The following NCALD variants were observed in gnomAD, a reference collection of about 807,000 sequenced individuals.
The protein encoded by NCALD is neurocalcin-delta.
A neutral mutation model predicts 18.6 loss-of-function variants in NCALD; 10 were observed. The ratio of observed to expected loss-of-function variants is 0.54; its 90% CI spans 0.33 to 0.91. The LOEUF (loss-of-function observed/expected upper bound fraction) is 0.91, where lower values mean the gene tolerates loss of function less well. NCALD is among the 40% of genes least tolerant of loss of function. The pLI is 0.03. For missense variants in NCALD, 184 were observed against 247.6 expected (o/e 0.74, Z 1.72); for synonymous variants, 88 against 87.4 (o/e 1.01, Z -0.04).
intron 2 of NCALD, chr8:101,693,958 T>C (rs1814866679): frequency 6.6e-6 from 1 of 152,142 alleles, no homozygotes; most frequent in South Asian, 2.1e-4. Context: ...TGAGATCTGA[T>C]GGGCGAAAGA....
intron 1 of NCALD, among the ~76,000 whole-genome samples, chr8:102,072,467 C>T (rs16869009): frequency 0.14 from 22,001 of 152,036 alleles, 1,694 homozygotes; most frequent in African/African-American, 0.18. Context: ...ATTTTTCAAC[C>T]TTCCAAAAAT....
chr8:102,055,871 C>A (rs1465919044), intron 1 of NCALD, among the ~76,000 whole-genome samples: 1 of 152,134 alleles, frequency 6.6e-6, no homozygotes, highest in Non-Finnish European at 1.5e-5. Context: ...ACTTTTAAAG[C>A]CTCATTTTTC....
chr8:102,058,858 G>A (rs1823746038), intron 1 of NCALD, among the ~76,000 whole-genome samples: 1 of 152,172 alleles, frequency 6.6e-6, no homozygotes, highest in Non-Finnish European at 1.5e-5. Context: ...CTAATCACAT[G>A]AGTCCAGAAA....
At chr8:102,049,410 A>G (rs1407805857) in intron 1 of NCALD, among the ~76,000 whole-genome samples, 1 of 152,128 alleles carries the variant, frequency 6.6e-6, no homozygotes, top group Non-Finnish European at 1.5e-5. Flanking sequence ...ATTCCATTGT[A>G]TGGATGTGCC....
intron 4 of NCALD, among the ~76,000 whole-genome samples, chr8:101,819,177 T>C (rs1813616283): frequency 6.6e-6 from 1 of 152,196 alleles, no homozygotes; most frequent in South Asian, 2.1e-4. Context: ...TAATTGTTAC[T>C]GACACTAACA....
Position 101,844,304 on chromosome 8 carries a change from A to G in NCALD, c.-20+42837T>C, listed in dbSNP as rs147957004. 1.8e-3 allele frequency among the ~76,000 whole-genome samples: 279 copies of G among 152,214 alleles called. 1 individual carries two copies. The highest frequency in any genetic ancestry group is 6.1e-3 in the African/African-American group (255 of 41,536). On this transcript the variant is annotated intron_variant, in intron 4 of 6. Transcript: ENST00000311028. Reference sequence around the variant, plus strand: ...TCAGACACCAATGAAAGAGGTTGGGAATGAACTGAATTGTCAATATCATGT... The same window carrying G: ...TCAGACACCAATGAAAGAGGTTGGGGATGAACTGAATTGTCAATATCATGT...
intron 1 of NCALD, among the ~76,000 whole-genome samples, chr8:102,116,816 G>A (rs566946050): frequency 6.6e-6 from 1 of 152,192 alleles, no homozygotes; most frequent in South Asian, 2.1e-4. Context: ...CCATAACCAA[G>A]CTTTAACCCC....
intron 1 of NCALD, among the ~76,000 whole-genome samples, chr8:101,745,305 C>A (rs1015604070): frequency 1.3e-5 from 2 of 152,084 alleles, no homozygotes; most frequent in Non-Finnish European, 2.9e-5. Flanking sequence ...CCAGCCATCA[C>A]GCCCTGGTGA....
intron 2 of NCALD, among the ~76,000 whole-genome samples, chr8:101,940,872 C>A (rs1203440348): frequency 6.6e-6 from 1 of 152,178 alleles, no homozygotes; most frequent in Non-Finnish European, 1.5e-5. Context: ...ATTTAGATGG[C>A]TCCACAGGCT....
intron 4 of NCALD, chr8:101,872,082 G>A (rs754462941): frequency 4.0e-6 from 6 of 1,507,190 alleles, no homozygotes; most frequent in Non-Finnish European, 5.5e-6. Flanking sequence ...CAGGATAATT[G>A]GGTATGCAGG....
chr8:101,776,162 A>G (rs1356007768), intron 1 of NCALD, among the ~76,000 whole-genome samples: 2 of 152,178 alleles, frequency 1.3e-5, no homozygotes, highest in South Asian at 2.1e-4. Flanking sequence ...AATTATTCCC[A>G]AAGACAAGAG....
chr8:101,813,925 G>A (rs776014217), intron 4 of NCALD, among the ~76,000 whole-genome samples: 1 of 151,800 alleles, frequency 6.6e-6, no homozygotes, highest in Admixed American at 6.6e-5. Context: ...AAGATAATCT[G>A]GTGATTATAC....
At position 102,051,347 on chromosome 8, in the gene NCALD, A is replaced by G. The variant is rs1204012259; in HGVS notation, c.-209-31058T>C. ...GTGCCATAGGGAGGATCAATGAGCTAATGTGTGGAAAGGACATGGACAGGT... is the reference window on the plus strand; with the variant it reads ...GTGCCATAGGGAGGATCAATGAGCTGATGTGTGGAAAGGACATGGACAGGT... On this transcript the variant is annotated intron_variant, in intron 1 of 6. Coordinates refer to the NCALD transcript ENST00000311028. Among the ~76,000 whole-genome samples, 3 of 152,142 alleles carry G rather than the reference A, an allele frequency of 2.0e-5. No homozygotes were observed. In the East Asian group the frequency reaches 5.8e-4, roughly 29 times the overall value.
At chr8:101,792,634 C>T (rs1812487634), upstream of NCALD, among the ~76,000 whole-genome samples, 1 of 152,124 alleles carries the variant, frequency 6.6e-6, no homozygotes, top group Non-Finnish European at 1.5e-5. Context: ...CAATTTGTTC[C>T]AATTATTGTT....
intron 2 of NCALD, among the ~76,000 whole-genome samples, chr8:101,969,922 A>AGT (rs146395849): frequency 0.024 from 3,598 of 151,814 alleles, 122 homozygotes; most frequent in African/African-American, 0.072. Flanking sequence ...AATAAATCTA[A>AGT]GTGTGTGTGT....
chr8:102,049,990 G>A (rs1165024925), intron 1 of NCALD, among the ~76,000 whole-genome samples: 4 of 149,334 alleles, frequency 2.7e-5, no homozygotes, highest in Admixed American at 6.7e-5. Flanking sequence ...GTGAAACCCC[G>A]TCTCTACTAA....
At position 102,044,389 on chromosome 8, in the gene NCALD, A is replaced by G. The variant is rs80158174; in HGVS notation, c.-209-24100T>C. Among the ~76,000 whole-genome samples, 116 of 150,344 alleles carry G rather than the reference A, an allele frequency of 7.7e-4. 1 individual carries two copies. The highest frequency in any genetic ancestry group is 1.7e-3 in the Admixed American group (26 of 15,124). ...TCTGGGCTGAGGGAAACCTTAGCAT[A>G]ACTTCTACAGGCATGAGAAGGGTGA... On this transcript the variant is annotated intron_variant, in intron 1 of 6. Coordinates refer to the NCALD transcript ENST00000311028.
chr8:101,910,641 A>G (rs1817763149), intron 3 of NCALD, among the ~76,000 whole-genome samples: 1 of 152,238 alleles, frequency 6.6e-6, no homozygotes, highest in African/African-American at 2.4e-5. Context: ...AAAATGCATT[A>G]CTTCAAAATA....
At chr8:102,035,166 T>C (rs911824901) in intron 1 of NCALD, among the ~76,000 whole-genome samples, 1 of 152,088 alleles carries the variant, frequency 6.6e-6, no homozygotes, top group African/African-American at 2.4e-5. Context: ...CTTTTTCCTC[T>C]TAAATTCAGT....
Sources: gnomAD v4.1 joint callset for allele counts (sites outside exome capture counted in the v4.1 genomes callset) on GRCh38, gnomAD v4.1.1 for gene constraint, MANE v1.5 for transcripts, NCBI Gene and HGNC (gene_info 2026-07-23, HGNC 2026-07-21) for gene names.